Variants in MYOCOS observed in about 807,000 individuals in gnomAD.
MYOCOS encodes the protein myocilin opposite strand, also known as myocilin opposite strand protein.
At chr1:171,614,077 C>T (rs1363437096) in intron 1 of MYOCOS, among the ~76,000 whole-genome samples, 1 of 152,182 alleles carries the variant, frequency 6.6e-6, no homozygotes, top group Non-Finnish European at 1.5e-5. Flanking sequence ...TTATTCCCTT[C>T]CAACAGTATC....
intron 1 of MYOCOS, among the ~76,000 whole-genome samples, chr1:171,623,146 G>A (rs1652606624): frequency 1.3e-5 from 2 of 151,984 alleles, no homozygotes; most frequent in Non-Finnish European, 2.9e-5. Context: ...GCAGTGAACC[G>A]AGACAGCTCT....
intron 1 of MYOCOS, among the ~76,000 whole-genome samples, chr1:171,606,040 G>C (rs1298129841): frequency 6.6e-6 from 1 of 152,176 alleles, no homozygotes; most frequent in Non-Finnish European, 1.5e-5. Flanking sequence ...ACTGACACAT[G>C]TGCCCGTAAA....
upstream of MYOCOS, among the ~76,000 whole-genome samples, chr1:171,617,719 A>G (rs1363173868): frequency 1.3e-5 from 2 of 152,224 alleles, no homozygotes; most frequent in Non-Finnish European, 2.9e-5. Context: ...TGTGGTGGGG[A>G]AAAGTGGGAA....
upstream of MYOCOS, among the ~76,000 whole-genome samples, chr1:171,618,501 T>C (rs1652490748): frequency 6.6e-6 from 1 of 152,198 alleles, no homozygotes; most frequent in Admixed American, 6.5e-5. Flanking sequence ...GTTCAATTCT[T>C]CCTGTAAGGC....
intron 1 of MYOCOS, among the ~76,000 whole-genome samples, chr1:171,611,358 C>T (rs904655285): frequency 1.9e-4 from 29 of 152,156 alleles, no homozygotes; most frequent in African/African-American, 4.8e-4. Context: ...CAATTCTCAA[C>T]GTACCACTTC....
rs188377363 is a variant in MYOCOS, at chr1:171,606,935, T to C, written c.-252+5855T>C. On this transcript the variant is annotated intron_variant, in intron 1 of 3. Transcript: ENST00000636697. ...GGTGAAACCCCATCTCTACTAAAAATACAAAAAAATAAGCTGGGTGTGGTG... is the reference window on the plus strand; with the variant it reads ...GGTGAAACCCCATCTCTACTAAAAACACAAAAAAATAAGCTGGGTGTGGTG... Among the ~76,000 whole-genome samples, 745 of 151,530 alleles carry C rather than the reference T, an allele frequency of 4.9e-3. 4 individuals are homozygous for C. Among genetic ancestry groups the C allele is most frequent in the African/African-American group, 0.017 (692 of 41,314 alleles).
At chr1:171,623,805 A>G in intron 1 of MYOCOS, 36 bp from the exon 2 acceptor site, 1 of 398,082 alleles carries the variant, frequency 2.5e-6, no homozygotes, top group Non-Finnish European at 4.4e-6. Flanking sequence ...TGACCCCTGA[A>G]GCATGTGTGC....
At chr1:171,611,693 A>T (rs984463989) in intron 1 of MYOCOS, among the ~76,000 whole-genome samples, 1 of 152,140 alleles carries the variant, frequency 6.6e-6, no homozygotes, top group African/African-American at 2.4e-5. Context: ...GCAGACTTTC[A>T]TGTTAGTCAG....
upstream of MYOCOS, among the ~76,000 whole-genome samples, chr1:171,621,375 T>G (rs956451237): frequency 4.1e-4 from 8 of 19,280 alleles, no homozygotes; most frequent in Admixed American, 2.5e-3. Context: ...CTATGGTGGG[T>G]TTTTTTTTTT....
chr1:171,603,182 A>C (rs934746561), intron 1 of MYOCOS, among the ~76,000 whole-genome samples: 4 of 152,128 alleles, frequency 2.6e-5, no homozygotes, highest in African/African-American at 4.8e-5. Flanking sequence ...CGTGTCTCTC[A>C]TGGCAGGGAG....
intron 1 of MYOCOS, among the ~76,000 whole-genome samples, chr1:171,613,653 T>C (rs1215496229): frequency 2.6e-5 from 4 of 152,192 alleles, no homozygotes; most frequent in Non-Finnish European, 5.9e-5. Context: ...GCTCAAGTGA[T>C]CCTCCCACCT....
upstream of MYOCOS, among the ~76,000 whole-genome samples, chr1:171,618,838 AG>A (rs1488844710): frequency 6.6e-6 from 1 of 152,214 alleles, no homozygotes; most frequent in Non-Finnish European, 1.5e-5. Flanking sequence ...GGCCTCTCAA[AG>A]TTCGGAGATT....
chr1:171,604,651 G>A (rs980139574), intron 1 of MYOCOS, among the ~76,000 whole-genome samples: 7 of 152,134 alleles, frequency 4.6e-5, no homozygotes, highest in African/African-American at 1.4e-4. Context: ...AAAATTTGAC[G>A]CCTGTGCCAC....
intron 1 of MYOCOS, among the ~76,000 whole-genome samples, chr1:171,623,315 A>G (rs913309388): frequency 2.0e-5 from 3 of 152,214 alleles, no homozygotes; most frequent in African/African-American, 7.2e-5. Context: ...TGCCATGTGC[A>G]TATCTGGACA....
At chr1:171,614,176 G>A (rs1316223886) in intron 1 of MYOCOS, among the ~76,000 whole-genome samples, 1 of 152,160 alleles carries the variant, frequency 6.6e-6, no homozygotes, top group Non-Finnish European at 1.5e-5. Context: ...TGCCAGTTAT[G>A]AGGTCCACAT....
intron 1 of MYOCOS, among the ~76,000 whole-genome samples, chr1:171,605,646 G>T (rs1387333141): frequency 6.6e-6 from 1 of 151,954 alleles, no homozygotes; most frequent in Non-Finnish European, 1.5e-5. Context: ...GAACTTCTAG[G>T]CTTCCCAGTC....
At chr1:171,607,769 G>T (rs945811002) in intron 1 of MYOCOS, among the ~76,000 whole-genome samples, 2 of 152,178 alleles carry the variant, frequency 1.3e-5, no homozygotes, top group African/African-American at 4.8e-5. Flanking sequence ...TTATTTGTTT[G>T]TTCAGCAATT....
At chr1:171,616,581 G>C (rs566329957) in intron 2 of MYOCOS, among the ~76,000 whole-genome samples, 2 of 152,150 alleles carry the variant, frequency 1.3e-5, no homozygotes, top group Non-Finnish European at 2.9e-5. Flanking sequence ...ACAGAGATGA[G>C]GGAGACAGCT....
chr1:171,600,891 T>C lies in MYOCOS; in HGVS notation c.-441T>C, dbSNP rs1368638602. The C allele has an allele frequency of 5.9e-5, 9 of 152,284 alleles. No individual in the cohort carries two copies. The East Asian group carries it at 1.2e-3, about 20-fold the overall frequency. 9.4% of individuals were successfully genotyped at this position (152,284 alleles called of 1,614,324 possible). A position where few individuals can be genotyped will look rare whatever the true frequency, so the allele number is the denominator to read the frequency against. ...GCCCTTCCTTCTACAACTTGGTGTC[T>C]GAGAGGTTTTGTCTCCGGCTGGTCA... On this transcript the variant is annotated 5_prime_UTR_variant, in exon 1 of 4. Transcript: ENST00000636697.
Sources: gnomAD v4.1 joint callset for allele counts (sites outside exome capture counted in the v4.1 genomes callset) on GRCh38, gnomAD v4.1.1 for gene constraint, MANE v1.5 for transcripts, NCBI Gene and HGNC (gene_info 2026-07-23, HGNC 2026-07-21) for gene names.